Variants in ABCB5 observed in about 807,000 individuals in gnomAD.
ABCB5 encodes ATP-binding cassette sub-family B member 5.
In ABCB5, 155 loss-of-function variants were observed where a neutral mutation model predicts 144.2. The ratio of observed to expected loss-of-function variants is 1.08; its 90% CI spans 0.94 to 1.23. The LOEUF (loss-of-function observed/expected upper bound fraction) is 1.23. ABCB5 is among the 50% of genes most tolerant of loss of function. ABCB5 has a pLI of 0.00. For missense variants in ABCB5, 1,830 were observed against 1,520.8 expected, an observed-to-expected ratio of 1.20 and a Z score of -3.38; for synonymous variants, 610 against 528.6, an observed-to-expected ratio of 1.15 and a Z score of -2.11.
intron 1 of ABCB5, among the ~76,000 whole-genome samples, chr7:20,617,099 C>T (rs370017113): frequency 1.4e-4 from 21 of 152,158 alleles, no homozygotes; most frequent in African/African-American, 4.6e-4. Flanking sequence ...TGACCACTCT[C>T]TAATTTTCCT....
chr7:20,687,069 T>G (rs1270927432), intron 16 of ABCB5, among the ~76,000 whole-genome samples: 1 of 152,166 alleles, frequency 6.6e-6, no homozygotes, highest in African/African-American at 2.4e-5. Context: ...CAAAGAAAAA[T>G]AATGGTATAG....
At chr7:20,669,153 G>A (rs1383709196) in intron 14 of ABCB5, among the ~76,000 whole-genome samples, 1 of 150,008 alleles carries the variant, frequency 6.7e-6, no homozygotes, top group Non-Finnish European at 1.5e-5. Context: ...GAGGTGAGGG[G>A]CGCTTCTGCC....
chr7:20,696,483 T>C (rs1786419232), intron 16 of ABCB5, among the ~76,000 whole-genome samples: 2 of 151,992 alleles, frequency 1.3e-5, no homozygotes, highest in South Asian at 4.1e-4. Flanking sequence ...CTTCTAGGGG[T>C]AATGGATATG....
chr7:20,628,787 G>C lies in ABCB5; in HGVS notation c.208G>C (p.Gly70Arg). Reference sequence around the variant, plus strand: ...CCTTCCTTTAATGCCACTGGTTTTAGGAGAAATGAGTGATAACCTTATTAG... The same window carrying C: ...CCTTCCTTTAATGCCACTGGTTTTACGAGAAATGAGTGATAACCTTATTAG... ...ACLPLMPLVL[G>R]EMSDNLISGC... The change falls in exon 4 of 28, where the codon GGA (glycine) becomes CGA (arginine). Residue 70 changes from glycine to arginine, a missense_variant. Physicochemically the swap from Gly to Arg is moderately radical, Grantham distance 125. Transcript: ENST00000404938. 1 of 1,613,752 alleles carries C rather than the reference G, an allele frequency of 6.2e-7. No individual in the cohort carries two copies. Among genetic ancestry groups the C allele is most frequent in the Non-Finnish European group, 8.5e-7 (1 of 1,179,802 alleles).
At chr7:20,639,748 G>C (rs1228198467) in intron 5 of ABCB5, among the ~76,000 whole-genome samples, 1 of 152,084 alleles carries the variant, frequency 6.6e-6, no homozygotes, top group East Asian at 1.9e-4. Context: ...GATTACTGTA[G>C]TTTTATAGTT....
At position 20,698,520 on chromosome 7, in the gene ABCB5, A is replaced by G. The variant is rs1006897668; in HGVS notation, c.2124A>G (p.Val708=). The G allele has an allele frequency of 1.3e-6, 2 of 1,594,438 alleles. No individual in the cohort carries two copies. Among genetic ancestry groups the G allele is most frequent in the Non-Finnish European group, 1.7e-6 (2 of 1,174,446 alleles). Residue 708 remains valine, a synonymous_variant, in exon 17 of 28, where the codon GTA becomes GTG. Transcript: ENST00000404938. ...TTCTAAATGGAACTGTTCATCCAGT[A>G]TTTTCCATCATCTTTGCAAAAATTA... ...ASVLNGTVHP[V]FSIIFAKIIT...
At chr7:20,710,383 T>TG (rs370218679) in intron 20 of ABCB5, among the ~76,000 whole-genome samples, 1,778 of 68,988 alleles carry the variant, frequency 0.026, 124 homozygotes, top group African/African-American at 0.073. Context: ...AAAAAAAAAG[T>TG]GGGGGGGGGG....
rs771073228 is a variant in ABCB5, at chr7:20,728,391, G to A, written c.2803G>A (p.Ala935Thr). 1 of 1,614,148 alleles carries A rather than the reference G, an allele frequency of 6.2e-7. No homozygotes were observed. Among genetic ancestry groups the A allele is most frequent in the Non-Finnish European group, 8.5e-7 (1 of 1,180,020 alleles). ...TGCCTTTATATATTTTGCCTATGCGGCAGGGTTTCGATTTGGAGCCTATTT... is the reference window on the plus strand; with the variant it reads ...TGCCTTTATATATTTTGCCTATGCGACAGGGTTTCGATTTGGAGCCTATTT... Reference protein sequence around the residue: ...SHAFIYFAYAAGFRFGAYLIQ... With the variant: ...SHAFIYFAYATGFRFGAYLIQ... Residue 935 changes from alanine to threonine, a missense_variant, in exon 23 of 28, where the codon GCA becomes ACA. Transcript: ENST00000404938.
chr7:20,681,394 T>G, intron 14 of ABCB5, 111 bp from the exon 15 acceptor site: 1 of 1,258,572 alleles, frequency 7.9e-7, no homozygotes, highest in Non-Finnish European at 1.1e-6. Context: ...CCCAAAGTGC[T>G]GGAATTACAG....
intron 14 of ABCB5, among the ~76,000 whole-genome samples, chr7:20,661,014 T>C (rs1167603245): frequency 1.3e-5 from 2 of 152,226 alleles, no homozygotes; most frequent in Non-Finnish European, 2.9e-5. Flanking sequence ...ACTAACACCC[T>C]TTTCCTCACT....
chr7:20,669,149 A>G (rs1157981527), intron 14 of ABCB5, among the ~76,000 whole-genome samples: 1 of 149,380 alleles, frequency 6.7e-6, no homozygotes, highest in African/African-American at 2.5e-5. Context: ...CCGGGAGGTG[A>G]GGGGCGCTTC....
intron 9 of ABCB5, chr7:20,647,162 G>T (rs1784429950): frequency 1.6e-5 from 6 of 386,004 alleles, no homozygotes; most frequent in Non-Finnish European, 2.1e-5. Context: ...AAGTTCAAGG[G>T]GTCACCCAAC....
intron 23 of ABCB5, 105 bp downstream of exon 23, chr7:20,728,560 C>A: frequency 7.7e-7 from 1 of 1,294,480 alleles, no homozygotes; most frequent in East Asian, 2.6e-5. Context: ...TTGAGATCAG[C>A]CTGACCAACA....
At chr7:20,691,720 A>C (rs1353641038) in intron 16 of ABCB5, among the ~76,000 whole-genome samples, 1 of 152,060 alleles carries the variant, frequency 6.6e-6, no homozygotes, top group Non-Finnish European at 1.5e-5. Flanking sequence ...TTAGTCCTAG[A>C]CTAAACTCTG....
At chr7:20,666,462 C>A (rs1785197777) in intron 14 of ABCB5, among the ~76,000 whole-genome samples, 1 of 152,182 alleles carries the variant, frequency 6.6e-6, no homozygotes, top group Admixed American at 6.5e-5. Flanking sequence ...AGTCCCATAA[C>A]CATCACTGGT....
intron 14 of ABCB5, among the ~76,000 whole-genome samples, chr7:20,666,304 A>G (rs1366275431): frequency 6.6e-6 from 1 of 152,164 alleles, no homozygotes; most frequent in Non-Finnish European, 1.5e-5. Flanking sequence ...TAGGTTTTCT[A>G]TGCCACACTT....
chr7:20,691,498 T>A (rs933977503), intron 16 of ABCB5, among the ~76,000 whole-genome samples: 1 of 151,900 alleles, frequency 6.6e-6, no homozygotes, highest in Admixed American at 6.6e-5. Context: ...CCAGAAAAGA[T>A]TAAAAGGAGC....
chr7:20,667,524 T>C lies in ABCB5; in HGVS notation c.1707+8848T>C, dbSNP rs1232061749. On this transcript the variant is annotated intron_variant, in intron 14 of 27. Coordinates refer to ENST00000404938, the MANE Select transcript of ABCB5 (RefSeq NM_001163941.2). ...TAGACTGTGACGTGTTAATGCTCTC[T>C]TTTATATTTTCTAATTAAATTCCAT... 1.3e-5 allele frequency: 13 copies of C among 978,568 alleles called. No homozygotes were observed. In the East Asian group the frequency reaches 1.5e-3, roughly 111 times the overall value. 60.6% of individuals were successfully genotyped at this position (978,568 alleles called of 1,614,324 possible). A position where few individuals can be genotyped will look rare whatever the true frequency, so the allele number is the denominator to read the frequency against.
At chr7:20,621,334 T>G (rs1783801748) in intron 1 of ABCB5, among the ~76,000 whole-genome samples, 1 of 152,152 alleles carries the variant, frequency 6.6e-6, no homozygotes, top group Non-Finnish European at 1.5e-5. Context: ...ACATTGAGTA[T>G]GCACTTAATC....
Sources: gnomAD v4.1 joint callset for allele counts (sites outside exome capture counted in the v4.1 genomes callset) on GRCh38, gnomAD v4.1.1 for gene constraint, MANE v1.5 for transcripts, NCBI Gene and HGNC (gene_info 2026-07-23, HGNC 2026-07-21) for gene names.